The following RBM6 variants were observed in gnomAD, a reference collection of about 807,000 sequenced individuals.
The protein encoded by RBM6 is RNA-binding protein 6.
Under a neutral mutation model 140.4 loss-of-function variants are expected in RBM6, and 23 were observed. The observed-to-expected ratio is 0.16, with a 90% CI of 0.12 to 0.23. The LOEUF is 0.23. Among genes scored for constraint, RBM6 ranks in the 10% least tolerant of loss-of-function variants. The pLI is 1.00. For synonymous variants in RBM6, 439 were observed against 475.6 expected, an observed-to-expected ratio of 0.92 and a Z score of 1.00; for missense variants, 1,139 against 1,386.7, an observed-to-expected ratio of 0.82 and a Z score of 2.84.
At chr3:50,007,669 A>T (rs1432189282) in intron 6 of RBM6, among the ~76,000 whole-genome samples, 1 of 151,670 alleles carries the variant, frequency 6.6e-6, no homozygotes, top group African/African-American at 2.4e-5. Flanking sequence ...AGTAGCTGGG[A>T]CTACAGGCGC....
intron 5 of RBM6, among the ~76,000 whole-genome samples, chr3:49,979,044 A>G (rs770180685): frequency 1.6e-4 from 25 of 152,220 alleles, no homozygotes; most frequent in Non-Finnish European, 3.2e-4. Context: ...ATGAATCTCA[A>G]TGGCAATATG....
intron 6 of RBM6, among the ~76,000 whole-genome samples, chr3:50,037,009 C>T (rs1246137672): frequency 6.6e-6 from 1 of 152,046 alleles, no homozygotes; most frequent in Non-Finnish European, 1.5e-5. Context: ...TGGTCTCGAT[C>T]TCTTGACCTC....
intron 6 of RBM6, among the ~76,000 whole-genome samples, chr3:50,046,797 A>G (rs1275531198): frequency 6.6e-6 from 1 of 152,176 alleles, no homozygotes; most frequent in Non-Finnish European, 1.5e-5. Context: ...AGGAAAAAGA[A>G]AAATGAAACA....
intron 15 of RBM6, among the ~76,000 whole-genome samples, chr3:50,064,780 C>T (rs181110748): frequency 6.6e-6 from 1 of 152,196 alleles, no homozygotes; most frequent in Non-Finnish European, 1.5e-5. Flanking sequence ...CGGGTTCATT[C>T]TCCTGCCTCA....
At chr3:49,942,496 CAA>C (rs34097467) in intron 1 of RBM6, among the ~76,000 whole-genome samples, 22 of 100,068 alleles carry the variant, frequency 2.2e-4, no homozygotes, top group Non-Finnish European at 1.8e-4. Context: ...GACTCCATCT[CAA>C]AAAAAAAAAA....
chr3:49,973,983 C>T (rs920452222), intron 4 of RBM6, among the ~76,000 whole-genome samples: 11 of 151,806 alleles, frequency 7.2e-5, no homozygotes, highest in Admixed American at 4.6e-4. Context: ...CTGCAACCTC[C>T]GCCTCTCGGG....
chr3:50,055,934 G>A (rs1488993197), intron 8 of RBM6, among the ~76,000 whole-genome samples: 1 of 152,158 alleles, frequency 6.6e-6, no homozygotes, highest in African/African-American at 2.4e-5. Flanking sequence ...CAGTCCTGTA[G>A]TCATCCCTTA....
chr3:49,986,620 A>G (rs555731069), intron 5 of RBM6, among the ~76,000 whole-genome samples: 1 of 151,688 alleles, frequency 6.6e-6, no homozygotes, highest in South Asian at 2.1e-4. Context: ...CAAAACAAAA[A>G]AAAACCAAAA....
rs758930041 is a variant in RBM6, at chr3:50,058,572, C to T, written c.2130+10C>T. ...CCTCGACTCCCATGCGGTGAGTTTC[C>T]TCCACCTTGGATTGGCCTAGAGACA... is the stretch of plus-strand genomic sequence containing the variant. On this transcript the variant is annotated intron_variant, in intron 10 of 20. Coordinates refer to ENST00000266022, the MANE Select transcript of RBM6 (RefSeq NM_005777.3). The T allele has an allele frequency of 9.4e-6, 15 of 1,595,058 alleles. No homozygotes were observed. The highest frequency in any genetic ancestry group is 2.2e-5 in the South Asian group (2 of 90,676).
At chr3:50,049,665 G>A (rs2108884245) in intron 7 of RBM6, among the ~76,000 whole-genome samples, 1 of 152,032 alleles carries the variant, frequency 6.6e-6, no homozygotes, top group Non-Finnish European at 1.5e-5. Context: ...ATTAGCCAAA[G>A]TACTCATATT....
chr3:50,040,900 C>T (rs186951904), intron 6 of RBM6, among the ~76,000 whole-genome samples: 2 of 152,252 alleles, frequency 1.3e-5, no homozygotes, highest in African/African-American at 4.8e-5. Context: ...CTGCCTTGAC[C>T]TCCCCAAATG....
At chr3:50,040,339 G>A (rs954216304) in intron 6 of RBM6, among the ~76,000 whole-genome samples, 6 of 150,140 alleles carry the variant, frequency 4.0e-5, no homozygotes, top group Non-Finnish European at 5.9e-5. Flanking sequence ...CCAGCTACTC[G>A]GGAGGCTGAG....
chr3:50,061,292 T>A, intron 13 of RBM6, 71 bp downstream of exon 13: 1 of 1,607,858 alleles, frequency 6.2e-7, no homozygotes, highest in Non-Finnish European at 8.5e-7. Context: ...GACATCTGTG[T>A]GATCACAGTT....
intron 1 of RBM6, among the ~76,000 whole-genome samples, chr3:49,949,031 A>G (rs954295562): frequency 2.0e-5 from 3 of 150,926 alleles, no homozygotes; most frequent in African/African-American, 7.3e-5. Flanking sequence ...GAGTTTCACT[A>G]TATTGGCCAG....
intron 5 of RBM6, among the ~76,000 whole-genome samples, chr3:49,977,352 C>CT (rs773292983): frequency 3.9e-5 from 6 of 152,158 alleles, no homozygotes; most frequent in Non-Finnish European, 8.8e-5. Flanking sequence ...TCTCTGAGGC[C>CT]TTGTGTCACT....
In RBM6 at chr3:49,968,289, G is replaced by T. The variant is rs755083267; in HGVS notation, c.864G>T (p.Val288=). The T allele has an allele frequency of 1.9e-6, 3 of 1,614,016 alleles. No homozygotes were observed. The South Asian group carries it at 3.3e-5, about 18-fold the overall frequency. Residue 288 remains valine, a synonymous_variant, in exon 3 of 21, where the codon GTG becomes GTT. Coordinates refer to ENST00000266022, the MANE Select transcript of RBM6 (RefSeq NM_005777.3). The part of the protein sequence containing the change: ...MEFKDREMPP[V]DPNILDYIQP... Reference sequence around the variant, plus strand: ...TTAAAGATAGGGAGATGCCCCCTGTGGATCCAAATATTTTGGATTACATTC... The same window carrying T: ...TTAAAGATAGGGAGATGCCCCCTGTTGATCCAAATATTTTGGATTACATTC...
intron 4 of RBM6, among the ~76,000 whole-genome samples, chr3:49,974,521 G>A (rs747889881): frequency 6.0e-5 from 9 of 151,136 alleles, no homozygotes; most frequent in Admixed American, 1.3e-4. Context: ...ACAGGTGCCC[G>A]CCACCACGCC....
chr3:49,970,280 A>T (rs965445045), intron 3 of RBM6, among the ~76,000 whole-genome samples: 1 of 152,030 alleles, frequency 6.6e-6, no homozygotes, highest in African/African-American at 2.4e-5. Flanking sequence ...AGGTTGCAAC[A>T]TATTTCCCAG....
At chr3:50,002,768 A>G (rs1320624282) in intron 6 of RBM6, among the ~76,000 whole-genome samples, 1 of 152,204 alleles carries the variant, frequency 6.6e-6, no homozygotes, top group Non-Finnish European at 1.5e-5. Context: ...CTTTAAGGAA[A>G]TGGATGTGGA....
Sources: allele counts gnomAD v4.1 joint callset (sites outside exome capture counted in the v4.1 genomes callset), GRCh38; gene constraint gnomAD v4.1.1; transcripts MANE v1.5; gene names NCBI Gene and HGNC (gene_info 2026-07-23, HGNC 2026-07-21).